Variants in ZNF69 observed in about 807,000 individuals in gnomAD.
ZNF69 encodes the protein ZNF3.
In ZNF69, 47 loss-of-function variants were observed where a neutral mutation model predicts 50.9. The ratio of observed to expected loss-of-function variants is 0.92; its 90% CI spans 0.73 to 1.18. ZNF69 has a LOEUF of 1.18. ZNF69 is among the 50% of genes most tolerant of loss of function. The pLI, the probability that ZNF69 is intolerant of heterozygous loss-of-function variation, is 0.00. For synonymous variants in ZNF69, 216 were observed against 223.1 expected, an observed-to-expected ratio of 0.97 and a Z score of 0.29; for missense variants, 717 against 675.1, an observed-to-expected ratio of 1.06 and a Z score of -0.69.
the ZNF69 span, among the ~76,000 whole-genome samples, chr19:11,919,627 A>C: frequency 6.6e-6 from 1 of 152,092 alleles, no homozygotes; most frequent in Non-Finnish European, 1.5e-5. Flanking sequence ...CCTAAACCCC[A>C]ACATGGTCAT....
At chr19:11,948,576 A>G in the ZNF69 span, 2 of 1,606,666 alleles carry the variant, frequency 1.2e-6, no homozygotes, top group South Asian at 2.2e-5. Flanking sequence ...TTAGAACACA[A>G]GAAAGGGATC....
chr19:11,910,931 A>T (rs535910597), downstream of ZNF69, among the ~76,000 whole-genome samples: 76 of 152,340 alleles, frequency 5.0e-4, no homozygotes, highest in African/African-American at 1.8e-3. Flanking sequence ...CATCTGACAA[A>T]GGGCTAATAT....
chr19:11,905,888 A>G lies in ZNF69; in HGVS notation c.1491A>G (p.Glu497=). The change falls in exon 4 of 4, where the codon GAA becomes GAG. Residue 497 remains glutamate, a synonymous_variant. Coordinates refer to ENST00000429654, the MANE Select transcript of ZNF69 (RefSeq NM_001364730.1). Reference sequence around the variant, plus strand: ...GTCCCAAATCATTGCAAAGACATGAAAAAACTCACACTGGAGAGAAACTCT... The same window carrying G: ...GTCCCAAATCATTGCAAAGACATGAGAAAACTCACACTGGAGAGAAACTCT... ...FYCPKSLQRH[E]KTHTGEKLYE... 1 of 1,613,880 alleles carries G rather than the reference A, an allele frequency of 6.2e-7. No individual in the cohort carries two copies. Among genetic ancestry groups the G allele is most frequent in the South Asian group, 1.1e-5 (1 of 91,072 alleles).
chr19:11,903,777 G>T, intron 2 of ZNF69, 78 bp downstream of exon 2: 9 of 1,604,372 alleles, frequency 5.6e-6, no homozygotes, highest in Non-Finnish European at 7.7e-6. Context: ...GAGTGATTTA[G>T]AACATAGACA....
At chr19:11,948,463 G>A in the ZNF69 span, 3 of 1,613,940 alleles carry the variant, frequency 1.9e-6, no homozygotes, top group Non-Finnish European at 2.5e-6. Flanking sequence ...GAGCATCAGA[G>A]GTGACACTGG....
At chr19:11,956,581 C>T in the ZNF69 span, 22 of 398,644 alleles carry the variant, frequency 5.5e-5, 1 homozygote, top group South Asian at 2.4e-3. Flanking sequence ...TCACACCAGG[C>T]GCAGTGGCTC....
the ZNF69 span, among the ~76,000 whole-genome samples, chr19:11,944,284 G>A: frequency 6.6e-6 from 1 of 151,950 alleles, no homozygotes; most frequent in Non-Finnish European, 1.5e-5. Context: ...ATTTCATAAG[G>A]GGAATATCCT....
chr19:11,949,277 A>T, the ZNF69 span: 1 of 1,614,144 alleles, frequency 6.2e-7, no homozygotes, highest in South Asian at 1.1e-5. Flanking sequence ...GAGAAACCCT[A>T]TGAGTGTAAG....
At chr19:11,924,824 C>T in the ZNF69 span, among the ~76,000 whole-genome samples, 1 of 152,174 alleles carries the variant, frequency 6.6e-6, no homozygotes, top group African/African-American at 2.4e-5. Context: ...CCGTGCAGAA[C>T]GAAGGAGCGG....
intron 1 of ZNF69, among the ~76,000 whole-genome samples, chr19:11,889,200 G>A (rs1977021526): frequency 6.6e-6 from 1 of 152,166 alleles, no homozygotes; most frequent in African/African-American, 2.4e-5. Flanking sequence ...TGAATTCTAA[G>A]GTGTGACTTA....
At chr19:11,888,067 C>A in intron 1 of ZNF69, 81 bp downstream of exon 1, 2 of 1,435,436 alleles carry the variant, frequency 1.4e-6, no homozygotes, top group Non-Finnish European at 1.9e-6. Flanking sequence ...GAGACCCTGG[C>A]TTTCCTGCGG....
At chr19:11,949,386 C>G in the ZNF69 span, 1 of 1,613,674 alleles carries the variant, frequency 6.2e-7, no homozygotes. Context: ...GTGGGAAAGC[C>G]TTCAGATCTA....
the ZNF69 span, among the ~76,000 whole-genome samples, chr19:11,943,250 TG>T: frequency 6.6e-6 from 1 of 152,256 alleles, no homozygotes; most frequent in Non-Finnish European, 1.5e-5. Flanking sequence ...ACTATGTTTT[TG>T]ACTACTTGCC....
chr19:11,947,112 G>A, the ZNF69 span: 1 of 1,559,546 alleles, frequency 6.4e-7, no homozygotes, highest in Non-Finnish European at 8.6e-7. Context: ...GAACTTCTTG[G>A]GAATAGAGTC....
chr19:11,892,990 G>A lies in ZNF69; in HGVS notation c.63+5004G>A, dbSNP rs371891136. Among the ~76,000 whole-genome samples the A allele has an allele frequency of 2.3e-4, 35 of 152,096 alleles. No homozygotes were observed. The East Asian group carries it at 3.5e-3, about 15-fold the overall frequency. On this transcript the variant is annotated intron_variant, in intron 1 of 3. Transcript: ENST00000429654. ...GCTGGGATTACATGCATGTGCCACC[G>A]CACATGGCTAATTTTTGTATTTTTA...
chr19:11,903,167 G>T (rs935288284), intron 1 of ZNF69, among the ~76,000 whole-genome samples: 1 of 152,056 alleles, frequency 6.6e-6, no homozygotes, highest in Non-Finnish European at 1.5e-5. Context: ...AGGCCTGGTG[G>T]CTCACGCCTG....
chr19:11,937,542 G>T, the ZNF69 span, among the ~76,000 whole-genome samples: 1 of 146,402 alleles, frequency 6.8e-6, no homozygotes, highest in Non-Finnish European at 1.5e-5. Context: ...AGGCTGGAGT[G>T]CAGTGGCGCC....
chr19:11,905,345 C>G lies in ZNF69; in HGVS notation c.948C>G (p.Pro316=). ...CKECGKAFTC[P]QYVRIHERTH... ...AATGTGGAAAAGCATTCACGTGTCC[C>G]CAGTATGTTCGTATACATGAAAGGA... is the stretch of plus-strand genomic sequence containing the variant. Residue 316 remains proline (P), a synonymous_variant, in exon 4 of 4, where the codon CCC becomes CCG. Transcript: ENST00000429654. The G allele has an allele frequency of 6.2e-7, 1 of 1,613,998 alleles. No individual in the cohort carries two copies. Among genetic ancestry groups the G allele is most frequent in the Non-Finnish European group, 8.5e-7 (1 of 1,180,014 alleles).
chr19:11,978,959 T>G, the ZNF69 span: 1 of 1,614,150 alleles, frequency 6.2e-7, no homozygotes, highest in Non-Finnish European at 8.5e-7. Context: ...GTAAGGAATG[T>G]AGAAAAGCAT....
Sources: gnomAD v4.1 joint callset for allele counts (sites outside exome capture counted in the v4.1 genomes callset) on GRCh38, gnomAD v4.1.1 for gene constraint, MANE v1.5 for transcripts, NCBI Gene and HGNC (gene_info 2026-07-23, HGNC 2026-07-21) for gene names.